Variants in TMC2 observed in about 807,000 individuals in gnomAD.
TMC2 encodes the protein transmembrane channel like 2, also known as transmembrane channel-like protein 2.
A neutral mutation model predicts 105.9 loss-of-function variants in TMC2; 102 were observed. That is an observed-to-expected ratio of 0.96 (90% confidence interval 0.82 to 1.14). TMC2 has a LOEUF of 1.14. TMC2 is among the 50% of genes most tolerant of loss of function. TMC2 has a pLI of 0.00. For missense variants in TMC2, 1,093 were observed against 1,134.3 expected, an observed-to-expected ratio of 0.96 and a Z score of 0.52; for synonymous variants, 402 against 422.8, an observed-to-expected ratio of 0.95 and a Z score of 0.60.
chr20:2,623,138 G>T (rs2086537836), intron 16 of TMC2, among the ~76,000 whole-genome samples: 3 of 152,086 alleles, frequency 2.0e-5, no homozygotes, highest in Admixed American at 2.0e-4. Context: ...CTAAGAAACT[G>T]AATTTCAAAT....
intron 2 of TMC2, among the ~76,000 whole-genome samples, chr20:2,553,790 G>A (rs1271659883): frequency 6.6e-6 from 1 of 152,116 alleles, no homozygotes; most frequent in Non-Finnish European, 1.5e-5. Flanking sequence ...TGTGAGTTTT[G>A]GTAGATTGTG....
chr20:2,553,880 C>G (rs2085971103), intron 2 of TMC2, among the ~76,000 whole-genome samples: 1 of 151,918 alleles, frequency 6.6e-6, no homozygotes, highest in African/African-American at 2.4e-5. Context: ...CTTTATTATC[C>G]TTTTGTTTTG....
At position 2,555,167 on chromosome 20, in the gene TMC2, C is replaced by T. The variant is rs921889001; in HGVS notation, c.83-3289C>T. ...GCCATCTCTCCTCACTACAACCTCACCCTCCTGGGTTCAAGCCATTCTCCT... is the reference window on the plus strand; with the variant it reads ...GCCATCTCTCCTCACTACAACCTCATCCTCCTGGGTTCAAGCCATTCTCCT... On this transcript the variant is annotated intron_variant, in intron 2 of 19. Coordinates refer to ENST00000358864, the MANE Select transcript of TMC2 (RefSeq NM_080751.3). Among the ~76,000 whole-genome samples, 5 of 152,068 alleles carry T rather than the reference C, an allele frequency of 3.3e-5. No individual in the cohort carries two copies. In the East Asian group the frequency reaches 5.8e-4, roughly 18 times the overall value.
intron 19 of TMC2, among the ~76,000 whole-genome samples, chr20:2,639,684 A>G (rs970272842): frequency 6.6e-6 from 1 of 152,232 alleles, no homozygotes; most frequent in Non-Finnish European, 1.5e-5. Context: ...AATATCTAGA[A>G]TAATAGAGTG....
chr20:2,595,508 C>A (rs2086299263), intron 9 of TMC2, among the ~76,000 whole-genome samples: 1 of 152,076 alleles, frequency 6.6e-6, no homozygotes, highest in African/African-American at 2.4e-5. Context: ...CAGTGATTAA[C>A]CATGGCGGCC....
chr20:2,550,044 A>C (rs2085947525), intron 2 of TMC2, among the ~76,000 whole-genome samples: 1 of 152,058 alleles, frequency 6.6e-6, no homozygotes, highest in Non-Finnish European at 1.5e-5. Flanking sequence ...TTAGTTGGGC[A>C]TAGTGGTGCG....
At chr20:2,591,409 T>C (rs1600116819) in intron 7 of TMC2, among the ~76,000 whole-genome samples, 1 of 152,152 alleles carries the variant, frequency 6.6e-6, no homozygotes, top group Admixed American at 6.5e-5. Context: ...AGGTAATTTT[T>C]AAAATGCTCT....
chr20:2,627,306 G>A (rs2086571667), intron 17 of TMC2, among the ~76,000 whole-genome samples: 1 of 152,144 alleles, frequency 6.6e-6, no homozygotes, highest in Non-Finnish European at 1.5e-5. Flanking sequence ...TTCTCCAGTA[G>A]TACTGCTACA....
chr20:2,564,341 G>A (rs1049478088), intron 4 of TMC2, among the ~76,000 whole-genome samples: 10 of 151,864 alleles, frequency 6.6e-5, no homozygotes, highest in Admixed American at 4.6e-4. Flanking sequence ...TAGTACAGAC[G>A]GGGTTTCACC....
intron 7 of TMC2, among the ~76,000 whole-genome samples, chr20:2,589,325 G>GTGTGTGT (rs2086253293): frequency 3.5e-5 from 1 of 28,662 alleles, no homozygotes; most frequent in Non-Finnish European, 6.5e-5. Flanking sequence ...TGTGTGTGTG[G>GTGTGTGT]AGATGGGGTT....
In TMC2 at chr20:2,612,336, G is replaced by A. The variant is rs558902975; in HGVS notation, c.1739G>A (p.Gly580Asp). 9 of 1,569,896 alleles carry A rather than the reference G, an allele frequency of 5.7e-6. No individual in the cohort carries two copies. In the East Asian group the frequency reaches 2.1e-4, roughly 36 times the overall value. The change falls in exon 13 of 20, where the codon GGC becomes GAC. Residue 580 changes from glycine to aspartate, a missense_variant. By Grantham distance (94) the Gly-to-Asp change is moderately conservative. Coordinates refer to ENST00000358864, the MANE Select transcript of TMC2 (RefSeq NM_080751.3). ...PRGSCWETAVGIEFMRLTVSD... is the reference protein window; with the variant it reads ...PRGSCWETAVDIEFMRLTVSD... Reference sequence around the variant, plus strand: ...GGTTCTTGCTGGGAGACAGCTGTGGGCATTGTGAGTAGTTACACTCTCTAA... The same window carrying A: ...GGTTCTTGCTGGGAGACAGCTGTGGACATTGTGAGTAGTTACACTCTCTAA...
intron 11 of TMC2, among the ~76,000 whole-genome samples, chr20:2,605,745 A>G (rs1355363291): frequency 6.6e-6 from 1 of 152,090 alleles, no homozygotes; most frequent in African/African-American, 2.4e-5. Context: ...CCCTAAATAG[A>G]CCTCACCACC....
intron 2 of TMC2, among the ~76,000 whole-genome samples, chr20:2,551,218 T>C (rs2085954700): frequency 6.6e-6 from 1 of 152,214 alleles, no homozygotes; most frequent in African/African-American, 2.4e-5. Context: ...TGACATACCA[T>C]GTTGAGCATC....
At chr20:2,586,405 G>A (rs1160979408) in intron 7 of TMC2, among the ~76,000 whole-genome samples, 2 of 152,198 alleles carry the variant, frequency 1.3e-5, no homozygotes, top group Non-Finnish European at 2.9e-5. Context: ...GCCTGTTCTT[G>A]TGTTGCTATG....
intron 10 of TMC2, among the ~76,000 whole-genome samples, chr20:2,600,986 G>GAAAAA (rs55710696): frequency 1.4e-4 from 13 of 90,536 alleles, no homozygotes; most frequent in Non-Finnish European, 1.7e-4. Context: ...GACTGTCTCA[G>GAAAAA]AAAAAAAAAA....
intron 11 of TMC2, among the ~76,000 whole-genome samples, chr20:2,602,588 C>T (rs1038687913): frequency 2.0e-5 from 3 of 152,212 alleles, no homozygotes; most frequent in Admixed American, 6.5e-5. Context: ...AGCTTTGCAG[C>T]GCCATACATC....
intron 4 of TMC2, among the ~76,000 whole-genome samples, chr20:2,565,463 G>A (rs1240198593): frequency 2.6e-5 from 4 of 152,136 alleles, no homozygotes; most frequent in Non-Finnish European, 5.9e-5. Flanking sequence ...GACTGGTCTC[G>A]AACTCCTGGG....
chr20:2,606,250 G>T (rs1365688654), intron 11 of TMC2, among the ~76,000 whole-genome samples: 2 of 152,028 alleles, frequency 1.3e-5, no homozygotes, highest in Non-Finnish European at 2.9e-5. Context: ...GGTACACAGT[G>T]TATTTATTTA....
Position 2,558,505 on chromosome 20 carries a change from G to A in TMC2, c.132G>A (p.Glu44=), listed in dbSNP as rs1379871833. 5 of 1,558,322 alleles carry A rather than the reference G, an allele frequency of 3.2e-6. No individual in the cohort carries two copies. Among genetic ancestry groups the A allele is most frequent in the Non-Finnish European group, 4.3e-6 (5 of 1,151,190 alleles). The change falls in exon 3 of 20, where the codon GAG becomes GAA. Residue 44 remains glutamate, a synonymous_variant. Coordinates refer to ENST00000358864, the MANE Select transcript of TMC2 (RefSeq NM_080751.3). The surrounding 1 kb of genome is among the most constrained non-coding windows in gnomAD (Gnocchi z 4.6). ...CAAGCAAGCGGGCTCTCAAAGCCGA[G>A]GGGACCCCAGGCAGGCGCGGAGCTC... is the stretch of plus-strand genomic sequence containing the variant. ...RSSSKRALKA[E]GTPGRRGAQR...
Sources: gnomAD v4.1 joint callset for allele counts (sites outside exome capture counted in the v4.1 genomes callset) on GRCh38, gnomAD v4.1.1 for gene constraint, Gnocchi (gnomAD v3.1) non-coding constraint, MANE v1.5 for transcripts, NCBI Gene and HGNC (gene_info 2026-07-23, HGNC 2026-07-21) for gene names.